Variants in MAGI1 observed in about 807,000 individuals in gnomAD.
The protein encoded by MAGI1 is membrane associated guanylate kinase, WW and PDZ domain containing 1.
Under a neutral mutation model 139.9 loss-of-function variants are expected in MAGI1, and 58 were observed. The observed-to-expected ratio is 0.41, with a 90% CI of 0.34 to 0.52. The LOEUF (loss-of-function observed/expected upper bound fraction) is 0.52. Among genes scored for constraint, MAGI1 ranks in the 20% least tolerant of loss-of-function variants. The pLI is 0.12. For missense variants in MAGI1, 1,874 were observed against 1,901.6 expected (o/e 0.99, Z 0.27); for synonymous variants, 812 against 737.9 (o/e 1.10, Z -1.63).
intron 12 of MAGI1, among the ~76,000 whole-genome samples, chr3:65,428,932 A>G (rs1186059223): frequency 1.3e-5 from 2 of 152,066 alleles, no homozygotes; most frequent in African/African-American, 4.8e-5. Context: ...AACGGACAGT[A>G]AATACAAAGG....
At chr3:65,551,452 C>T (rs138372107) in intron 2 of MAGI1, among the ~76,000 whole-genome samples, 3,167 of 152,232 alleles carry the variant, frequency 0.021, 56 homozygotes, top group Non-Finnish European at 0.033. Context: ...AGGCACGCAC[C>T]ACCGCGCGCG....
chr3:65,719,262 CACAT>C (rs2032691212), intron 1 of MAGI1, among the ~76,000 whole-genome samples: 1 of 151,188 alleles, frequency 6.6e-6, no homozygotes, highest in South Asian at 2.1e-4. Flanking sequence ...ATACAATACA[CACAT>C]ACATATATAT....
At chr3:65,381,804 A>AGACACAGGAAGGAGGCC (rs1168280720) in intron 16 of MAGI1, 73 bp downstream of exon 16, 22 of 1,354,626 alleles carry the variant, frequency 1.6e-5, no homozygotes, top group Non-Finnish European at 2.2e-5. Context: ...TCAAGGAGGC[A>AGACACAGGAAGGAGGCC]GACACAGGAA....
intron 2 of MAGI1, chr3:65,619,924 C>T: frequency 1.0e-6 from 1 of 985,334 alleles, no homozygotes; most frequent in Non-Finnish European, 1.2e-6. Flanking sequence ...AGCCATAAAA[C>T]ATCAATGCCA....
At chr3:65,912,234 C>G (rs1466171825) in intron 1 of MAGI1, among the ~76,000 whole-genome samples, 2 of 78,588 alleles carry the variant, frequency 2.5e-5, no homozygotes, top group Non-Finnish European at 2.4e-5. Flanking sequence ...AAACTCTGAT[C>G]TCAAAAAAAA....
intron 3 of MAGI1, among the ~76,000 whole-genome samples, chr3:65,488,119 C>T (rs1305820719): frequency 6.6e-6 from 1 of 152,102 alleles, no homozygotes; most frequent in Non-Finnish European, 1.5e-5. Context: ...TCCTTCTAAT[C>T]CTCTCTTGGT....
intron 1 of MAGI1, among the ~76,000 whole-genome samples, chr3:65,737,318 A>T (rs1337246954): frequency 6.6e-6 from 1 of 152,232 alleles, no homozygotes; most frequent in African/African-American, 2.4e-5. Context: ...CAAGACTTTT[A>T]AAATGAATGG....
chr3:65,836,219 G>A (rs2042796593), intron 1 of MAGI1, among the ~76,000 whole-genome samples: 1 of 152,110 alleles, frequency 6.6e-6, no homozygotes, highest in Admixed American at 6.6e-5. Flanking sequence ...AAGAAAAAAT[G>A]ATGTCATCAT....
intron 2 of MAGI1, among the ~76,000 whole-genome samples, chr3:65,605,700 T>C (rs1266701934): frequency 6.6e-6 from 1 of 152,282 alleles, no homozygotes; most frequent in East Asian, 1.9e-4. Context: ...AATATCACAC[T>C]TACTATTTAA....
At chr3:65,899,098 T>G (rs186302324) in intron 1 of MAGI1, among the ~76,000 whole-genome samples, 1 of 152,134 alleles carries the variant, frequency 6.6e-6, no homozygotes, top group Admixed American at 6.5e-5. Flanking sequence ...CTAATTTTTT[T>G]GTAGAGACGG....
chr3:65,454,559 A>ATAATAATG (rs1553646629), intron 5 of MAGI1, among the ~76,000 whole-genome samples: 2 of 139,002 alleles, frequency 1.4e-5, no homozygotes, highest in African/African-American at 6.2e-5. Flanking sequence ...TAATAATAAA[A>ATAATAATG]AAATACTTGT....
chr3:65,606,341 T>G (rs2082738359), intron 2 of MAGI1, among the ~76,000 whole-genome samples: 1 of 152,068 alleles, frequency 6.6e-6, no homozygotes, highest in South Asian at 2.1e-4. Context: ...TTTATTTTGT[T>G]TATTTATTTA....
rs115841197 is a variant in MAGI1 at position 65,504,675 on chromosome 3, G to A, written c.431-11044C>T. Among the ~76,000 whole-genome samples the A allele has an allele frequency of 3.2e-3, 494 of 152,300 alleles. 2 individuals are homozygous for A. The highest frequency in any genetic ancestry group is 0.011 in the African/African-American group (471 of 41,566). ...GGAAACATAGCAGGGAGCTGATGGA[G>A]TTGACGGTCTGGGAGAAGAAAGCTG... On this transcript the variant is annotated intron_variant, in intron 2 of 22. Coordinates refer to ENST00000402939, the MANE Select transcript of MAGI1 (RefSeq NM_001033057.2).
intron 1 of MAGI1, among the ~76,000 whole-genome samples, chr3:65,634,599 G>C (rs941104149): frequency 6.6e-6 from 1 of 152,176 alleles, no homozygotes; most frequent in African/African-American, 2.4e-5. Context: ...GCTCAAAAGG[G>C]CTGTGCAGCT....
chr3:65,878,823 C>A (rs1040614611), intron 1 of MAGI1, among the ~76,000 whole-genome samples: 43 of 152,104 alleles, frequency 2.8e-4, no homozygotes, highest in Non-Finnish European at 5.3e-4. Context: ...GATTTAACGA[C>A]CATCTCCAAC....
intron 12 of MAGI1, among the ~76,000 whole-genome samples, chr3:65,403,943 T>G (rs1267560351): frequency 6.6e-6 from 1 of 152,216 alleles, no homozygotes; most frequent in African/African-American, 2.4e-5. Context: ...TTAAAAGGAA[T>G]GAGCTATCTC....
intron 12 of MAGI1, among the ~76,000 whole-genome samples, chr3:65,414,006 C>T (rs768583691): frequency 1.3e-5 from 2 of 152,154 alleles, no homozygotes; most frequent in African/African-American, 2.4e-5. Flanking sequence ...CAACAACTTT[C>T]TCACTGTGGA....
chr3:65,545,282 T>C (rs1450638007), intron 2 of MAGI1, among the ~76,000 whole-genome samples: 1 of 152,134 alleles, frequency 6.6e-6, no homozygotes, highest in Admixed American at 6.5e-5. Flanking sequence ...TGTCAGCCAC[T>C]TACTTTTGAT....
At chr3:65,660,289 C>T (rs902896209) in intron 1 of MAGI1, among the ~76,000 whole-genome samples, 3 of 152,218 alleles carry the variant, frequency 2.0e-5, no homozygotes, top group Admixed American at 6.5e-5. Context: ...ACATGGTAAA[C>T]GGGCTTCGCC....
Sources: allele counts gnomAD v4.1 joint callset (sites outside exome capture counted in the v4.1 genomes callset), GRCh38; gene constraint gnomAD v4.1.1; transcripts MANE v1.5; gene names NCBI Gene and HGNC (gene_info 2026-07-23, HGNC 2026-07-21).